PDE4D: variants seen among roughly 807,000 people sequenced by gnomAD.
The protein encoded by PDE4D is 3',5'-cyclic-AMP phosphodiesterase 4D.
Under a neutral mutation model 87.4 loss-of-function variants are expected in PDE4D, and 24 were observed. That is an observed-to-expected ratio of 0.27 (90% confidence interval 0.20 to 0.39). PDE4D has a LOEUF of 0.39. Ranked by LOEUF, PDE4D falls within the 10% of genes least tolerant of loss-of-function variation. PDE4D has a pLI of 1.00. For missense variants in PDE4D, 714 were observed against 1,041.0 expected, an observed-to-expected ratio of 0.69 and a Z score of 4.32; for synonymous variants, 384 against 383.2, an observed-to-expected ratio of 1.00 and a Z score of -0.02.
chr5:59,100,537 C>A (rs77118120), intron 5 of PDE4D, among the ~76,000 whole-genome samples: 2 of 152,202 alleles, frequency 1.3e-5, no homozygotes, highest in South Asian at 4.1e-4. Flanking sequence ...TACACACAGT[C>A]CATTATGACA....
At chr5:59,751,574 G>GGTGTGTGTGTGT (rs57407769) in intron 1 of PDE4D, among the ~76,000 whole-genome samples, 2,560 of 142,674 alleles carry the variant, frequency 0.018, 26 homozygotes, top group African/African-American at 0.031. Flanking sequence ...ATAAATCCCT[G>GGTGTGTGTGTGT]GTGTGTGTGT....
chr5:58,996,003 C>A (rs1561263814), intron 6 of PDE4D, among the ~76,000 whole-genome samples: 1 of 152,112 alleles, frequency 6.6e-6, no homozygotes, highest in Non-Finnish European at 1.5e-5. Flanking sequence ...ATGGATGAAG[C>A]TGGAAACCAT....
intron 5 of PDE4D, among the ~76,000 whole-genome samples, chr5:59,124,730 T>C (rs368959845): frequency 6.6e-6 from 1 of 152,316 alleles, no homozygotes; most frequent in East Asian, 1.9e-4. Context: ...AATAAGAACA[T>C]ATATAGTAAA....
chr5:59,244,668 ATGTGTGTGTGTCTGTGTGTGTG>A (rs1561797889), intron 1 of PDE4D, among the ~76,000 whole-genome samples: 3 of 107,040 alleles, frequency 2.8e-5, no homozygotes, highest in African/African-American at 6.7e-5. Flanking sequence ...ATATGTATGT[ATGTGTGTGTGTCTGTGTGTGTG>A]TGTGTGTGTG....
chr5:59,993,469 AC>A (rs1763212327), intron 2 of PDE4D, among the ~76,000 whole-genome samples: 1 of 152,204 alleles, frequency 6.6e-6, no homozygotes, highest in Non-Finnish European at 1.5e-5. Flanking sequence ...GTAGAAGAAT[AC>A]GTAATCATGT....
chr5:59,476,731 T>C (rs1044123893), intron 1 of PDE4D, among the ~76,000 whole-genome samples: 2 of 152,092 alleles, frequency 1.3e-5, no homozygotes, highest in Admixed American at 6.6e-5. Context: ...GCATTGCATG[T>C]GGTCAAATGT....
intron 1 of PDE4D, among the ~76,000 whole-genome samples, chr5:59,460,201 G>T (rs145263597): frequency 1.3e-5 from 2 of 151,988 alleles, no homozygotes; most frequent in East Asian, 3.9e-4. Context: ...AAATGGGAAA[G>T]AAATATTACA....
intron 1 of PDE4D, among the ~76,000 whole-genome samples, chr5:59,310,653 G>T (rs951668953): frequency 2.6e-5 from 4 of 152,150 alleles, no homozygotes; most frequent in Non-Finnish European, 4.4e-5. Flanking sequence ...TGTCCTCTTA[G>T]GTCTAAGGGC....
intron 1 of PDE4D, among the ~76,000 whole-genome samples, chr5:59,457,187 T>C (rs1384529930): frequency 6.6e-6 from 1 of 152,198 alleles, no homozygotes; most frequent in African/African-American, 2.4e-5. Context: ...GTAAACTTTA[T>C]TGTTGCCTGG....
intron 2 of PDE4D, among the ~76,000 whole-genome samples, chr5:60,166,887 T>G (rs1012258507): frequency 2.0e-5 from 3 of 152,180 alleles, no homozygotes; most frequent in African/African-American, 7.2e-5. Context: ...CCTCCTGATC[T>G]GTAAGGTTTC....
intron 1 of PDE4D, among the ~76,000 whole-genome samples, chr5:60,390,152 T>C (rs16877980): frequency 0.16 from 24,636 of 152,190 alleles, 2,449 homozygotes; most frequent in African/African-American, 0.28. Context: ...GTCCAACCCA[T>C]GCAACTTCCT....
intron 1 of PDE4D, among the ~76,000 whole-genome samples, chr5:60,327,369 T>G (rs192764092): frequency 1.6e-4 from 24 of 152,338 alleles, no homozygotes; most frequent in African/African-American, 5.8e-4. Context: ...TGTCAAAGAA[T>G]GTTTCTTTTC....
chr5:59,918,265 T>G (rs1030047351), intron 3 of PDE4D, among the ~76,000 whole-genome samples: 1 of 152,192 alleles, frequency 6.6e-6, no homozygotes, highest in Non-Finnish European at 1.5e-5. Flanking sequence ...GTATTTTTTT[T>G]TTAAAGAGGC....
At chr5:59,687,273 T>C (rs1750038209) in intron 1 of PDE4D, among the ~76,000 whole-genome samples, 1 of 152,098 alleles carries the variant, frequency 6.6e-6, no homozygotes, top group South Asian at 2.1e-4. Flanking sequence ...AGACACATAA[T>C]TTTCAGATTC....
chr5:60,317,321 A>G (rs1329249484), intron 1 of PDE4D, among the ~76,000 whole-genome samples: 2 of 152,180 alleles, frequency 1.3e-5, no homozygotes, highest in Non-Finnish European at 2.9e-5. Context: ...TTTCTGTGGA[A>G]TCAGTGGTGA....
At chr5:59,532,525 C>CTTCA (rs1814426913) in intron 1 of PDE4D, among the ~76,000 whole-genome samples, 1 of 152,270 alleles carries the variant, frequency 6.6e-6, no homozygotes, top group African/African-American at 2.4e-5. Flanking sequence ...ACTTTGCCCA[C>CTTCA]TTCATAGAGT....
At chr5:59,913,923 G>A (rs1412539381) in intron 3 of PDE4D, among the ~76,000 whole-genome samples, 9 of 151,990 alleles carry the variant, frequency 5.9e-5, no homozygotes, top group Non-Finnish European at 1.0e-4. Flanking sequence ...GTGCACTGCT[G>A]TATCCAATAC....
At chr5:60,512,952 A>G (rs888459026) in intron 1 of PDE4D, among the ~76,000 whole-genome samples, 3 of 152,200 alleles carry the variant, frequency 2.0e-5, no homozygotes, top group African/African-American at 7.2e-5. Flanking sequence ...ACAGAAGTGT[A>G]TAAGTTGGGA....
At chr5:59,004,903 A>G (rs1751288026) in intron 6 of PDE4D, among the ~76,000 whole-genome samples, 1 of 152,050 alleles carries the variant, frequency 6.6e-6, no homozygotes, top group Admixed American at 6.6e-5. Context: ...TCACTGTTCT[A>G]TTTTTTTCAA....
Sources: gnomAD v4.1 joint callset for allele counts (sites outside exome capture counted in the v4.1 genomes callset) on GRCh38, gnomAD v4.1.1 for gene constraint, MANE v1.5 for transcripts, NCBI Gene and HGNC (gene_info 2026-07-23, HGNC 2026-07-21) for gene names.